Variants in NOTCH3 observed in about 807,000 individuals in gnomAD.
The protein encoded by NOTCH3 is neurogenic locus notch homolog protein 3.
A neutral mutation model predicts 213.3 loss-of-function variants in NOTCH3; 86 were observed. The observed-to-expected ratio is 0.40, with a 90% CI of 0.34 to 0.48. NOTCH3 has a LOEUF of 0.48. NOTCH3 is among the 20% of genes least tolerant of loss of function. The pLI is 0.57. For missense variants in NOTCH3, 2,783 were observed against 3,272.6 expected, an observed-to-expected ratio of 0.85 and a Z score of 3.65; for synonymous variants, 1,354 against 1,355.9, an observed-to-expected ratio of 1.00 and a Z score of 0.03.
At chr19:15,169,601 C>T (rs1005171034) in intron 28 of NOTCH3, among the ~76,000 whole-genome samples, 7 of 152,160 alleles carry the variant, frequency 4.6e-5, no homozygotes, top group Admixed American at 1.3e-4. Flanking sequence ...GAACTCCTGA[C>T]CTCAGGTGAT....
rs1024099312 is a variant in NOTCH3 at position 15,187,341 on chromosome 19, G to A, written c.1607-3C>T. ...ATCACACAGCGTGCCCTCAAAGCCT[G>A]TGGGGCCAAGAGGGTCAGGCTCCGC... On this transcript the variant is annotated splice_polypyrimidine_tract_variant and splice_region_variant and intron_variant, in intron 10 of 32. Transcript: ENST00000263388. 3 of 1,612,238 alleles carry A rather than the reference G, an allele frequency of 1.9e-6. No individual in the cohort carries two copies. Among genetic ancestry groups the A allele is most frequent in the South Asian group, 1.1e-5 (1 of 91,048 alleles).
intron 2 of NOTCH3, among the ~76,000 whole-genome samples, chr19:15,196,250 A>T (rs2046969801): frequency 1.3e-5 from 2 of 152,086 alleles, no homozygotes; most frequent in African/African-American, 4.8e-5. Context: ...ACCTGTCGGC[A>T]GTATTCCAGG....
At chr19:15,189,238 C>T in intron 7 of NOTCH3, 35 bp downstream of exon 7, 1 of 1,613,830 alleles carries the variant, frequency 6.2e-7, no homozygotes, top group East Asian at 2.2e-5. Flanking sequence ...TCCCCTCTTT[C>T]CCAGCCCATT....
chr19:15,165,510 G>A lies in NOTCH3; in HGVS notation c.5673C>T (p.Leu1891=), dbSNP rs758393959. 16 of 1,611,686 alleles carry A rather than the reference G, an allele frequency of 9.9e-6. No homozygotes were observed. The African/African-American group carries it at 1.6e-4, about 16-fold the overall frequency. Reference sequence around the variant, plus strand: ...CCAAGTCTGTAGAGCGGTTTCGGATGAGAATCTAGGACAGAGAGTGGATGC... The same window carrying A: ...CCAAGTCTGTAGAGCGGTTTCGGATAAGAATCTAGGACAGAGAGTGGATGC... ...TADAQGVFQI[L]IRNRSTDLDA... The change falls in exon 31 of 33, where the codon CTC becomes CTT. Residue 1891 remains leucine, a synonymous_variant. Coordinates refer to ENST00000263388, the MANE Select transcript of NOTCH3 (RefSeq NM_000435.3). This position sits in a 1 kb window ranked among gnomAD's most constrained non-coding sequence, Gnocchi z 4.7.
Position 15,175,759 on chromosome 19 carries a change from G to A in NOTCH3, c.4404-1359C>T, listed in dbSNP as rs528618210. Among the ~76,000 whole-genome samples, 8 of 151,408 alleles carry A rather than the reference G, an allele frequency of 5.3e-5. No homozygotes were observed. The East Asian group carries it at 1.4e-3, about 26-fold the overall frequency. On this transcript the variant is annotated intron_variant, in intron 24 of 32. Transcript: ENST00000263388. ...TTGAAGGAGGTGAGGGAGGAGCCATGTGGGGGAAGGGAACAGCCAGGCAGT... is the reference window on the plus strand; with the variant it reads ...TTGAAGGAGGTGAGGGAGGAGCCATATGGGGGAAGGGAACAGCCAGGCAGT...
At position 15,194,851 on chromosome 19, in the gene NOTCH3, G is replaced by A. The variant is rs189637602; in HGVS notation, c.198-2332C>T. ...ACATGCCTGTAATCCCAGCTACTCC[G>A]GAGGCTGAGGCAGGAAAATCGCTTG... On this transcript the variant is annotated intron_variant, in intron 2 of 32. Transcript: ENST00000263388. 2.0e-3 allele frequency among the ~76,000 whole-genome samples: 297 copies of A among 151,824 alleles called. 3 individuals are homozygous for A. The highest frequency in any genetic ancestry group is 1.7e-3 in the Non-Finnish European group (114 of 67,970).
chr19:15,175,581 A>G (rs371452191), intron 24 of NOTCH3, among the ~76,000 whole-genome samples: 1 of 33,712 alleles, frequency 3.0e-5, no homozygotes, highest in South Asian at 8.6e-4. Flanking sequence ...ATATGTATAT[A>G]TATGTATATA....
intron 1 of NOTCH3, among the ~76,000 whole-genome samples, chr19:15,199,325 T>C (rs181221252): frequency 6.6e-6 from 1 of 152,310 alleles, no homozygotes; most frequent in East Asian, 1.9e-4. Flanking sequence ...GTATGCAGGT[T>C]GTGTCTGTTG....
chr19:15,178,742 T>TCCTCCTCCTAGACGCCACGC (rs2046812726), intron 23 of NOTCH3, 81 bp downstream of exon 23: 17 of 1,006,244 alleles, frequency 1.7e-5, no homozygotes, highest in Non-Finnish European at 2.6e-5. Context: ...TAAAGCCACA[T>TCCTCCTCCTAGACGCCACGC]CCTCCTCCTA....
At chr19:15,162,000 T>TTG (rs2046648678) in intron 32 of NOTCH3, among the ~76,000 whole-genome samples, 1 of 148,862 alleles carries the variant, frequency 6.7e-6, no homozygotes, top group South Asian at 2.2e-4. Context: ...TTTTTTTTTT[T>TTG]TGACAGAGTC....
At chr19:15,179,995 G>A in intron 20 of NOTCH3, 77 bp downstream of exon 20, 1 of 1,004,698 alleles carries the variant, frequency 1.0e-6, no homozygotes, top group Non-Finnish European at 1.6e-6. Flanking sequence ...CCCATACCAA[G>A]CCACACAGAA....
intron 8 of NOTCH3, 133 bp downstream of exon 8, chr19:15,188,856 C>T: frequency 1.1e-6 from 1 of 878,518 alleles, no homozygotes; most frequent in East Asian, 2.7e-5. Flanking sequence ...GACCCCACCT[C>T]CTTCCAGGCT....
chr19:15,169,025 T>G (rs1423507255), intron 28 of NOTCH3, among the ~76,000 whole-genome samples: 5 of 151,994 alleles, frequency 3.3e-5, no homozygotes, highest in Non-Finnish European at 4.4e-5. Flanking sequence ...GTGATCCTCC[T>G]GCCTCAGCCT....
intron 19 of NOTCH3, 94 bp downstream of exon 19, chr19:15,180,587 T>C (rs1568355691): frequency 2.1e-6 from 3 of 1,434,138 alleles, no homozygotes; most frequent in Non-Finnish European, 1.9e-6. Context: ...CCCCATAGGC[T>C]CTGTGGCACC....
In NOTCH3 at chr19:15,159,040, G is replaced by A. The variant is rs2145376847; in HGVS notation, c.*1622C>T. ...GAGTAACAGAAACCCACCGAAGCTG[G>A]CACAAGTAAAGAAGTATTTATTACA... On this transcript the variant is annotated 3_prime_UTR_variant, in exon 33 of 33. Coordinates refer to ENST00000263388, the MANE Select transcript of NOTCH3 (RefSeq NM_000435.3). 6.6e-6 allele frequency: 1 copy of A among 152,200 alleles called. No homozygotes were observed. Among genetic ancestry groups the A allele is most frequent in the South Asian group, 2.1e-4 (1 of 4,824 alleles). The allele number at this position is 152,200 out of a possible 1,614,324, so 9.4% of individuals were successfully genotyped here. A position where few individuals can be genotyped will look rare whatever the true frequency, so the allele number is the denominator to read the frequency against.
intron 15 of NOTCH3, 135 bp downstream of exon 15, chr19:15,184,771 T>C: frequency 1.6e-6 from 1 of 641,082 alleles, no homozygotes; most frequent in South Asian, 1.8e-5. Flanking sequence ...TGTCCAGCTC[T>C]GTCCTTCCAA....
chr19:15,166,663 G>C (rs1313327767), intron 29 of NOTCH3, among the ~76,000 whole-genome samples: 1 of 152,188 alleles, frequency 6.6e-6, no homozygotes, highest in East Asian at 1.9e-4. Flanking sequence ...ACATAACAAA[G>C]ATGGATCTAA....
At chr19:15,173,982 T>C (rs1452968124) in intron 25 of NOTCH3, 86 bp downstream of exon 25, 2 of 1,180,768 alleles carry the variant, frequency 1.7e-6, no homozygotes, top group East Asian at 4.9e-5. Flanking sequence ...GTAAAGGCAT[T>C]AAGTGAAATG....
Position 15,189,433 on chromosome 19 carries a change from G to A in NOTCH3, c.1037-5C>T, listed in dbSNP as rs776044693. On this transcript the variant is annotated splice_region_variant and splice_polypyrimidine_tract_variant and intron_variant, in intron 6 of 32. Transcript: ENST00000263388. ...CATCCAGGTGACACAGGAGGCCTGGGAAGTGGTAAGCAGAAGTCATAGGCA... is the reference window on the plus strand; with the variant it reads ...CATCCAGGTGACACAGGAGGCCTGGAAAGTGGTAAGCAGAAGTCATAGGCA... The A allele has an allele frequency of 2.5e-6, 4 of 1,613,500 alleles. No homozygotes were observed. The highest frequency in any genetic ancestry group is 2.2e-5 in the South Asian group (2 of 91,088).
Sources: gnomAD v4.1 joint callset for allele counts (sites outside exome capture counted in the v4.1 genomes callset) on GRCh38, gnomAD v4.1.1 for gene constraint, Gnocchi (gnomAD v3.1) non-coding constraint, MANE v1.5 for transcripts, NCBI Gene and HGNC (gene_info 2026-07-23, HGNC 2026-07-21) for gene names.